WLS: variants seen among roughly 807,000 people sequenced by gnomAD.
WLS encodes the protein Wnt ligand secretion mediator.
WLS carries 23 observed loss-of-function variants against 62.8 expected under a neutral mutation model. The observed-to-expected ratio is 0.37, with a 90% CI of 0.26 to 0.52. The LOEUF (loss-of-function observed/expected upper bound fraction) is 0.52. Among genes scored for constraint, WLS ranks in the 20% least tolerant of loss-of-function variants. The probability of loss-of-function intolerance (pLI) is 0.92; values close to 1 mark genes in which losing one functional copy is unlikely to be tolerated. For synonymous variants in WLS, 246 were observed against 244.1 expected (o/e 1.01, Z -0.07); for missense variants, 615 against 697.3 (o/e 0.88, Z 1.33).
At chr1:68,186,313 G>C (rs184312654) in intron 2 of WLS, among the ~76,000 whole-genome samples, 1 of 152,178 alleles carries the variant, frequency 6.6e-6, no homozygotes, top group East Asian at 1.9e-4. Flanking sequence ...TTAACCCCAA[G>C]TGACTAGAAG....
intron 10 of WLS, among the ~76,000 whole-genome samples, chr1:68,140,741 T>C (rs2100433958): frequency 6.6e-6 from 1 of 152,140 alleles, no homozygotes; most frequent in East Asian, 1.9e-4. Flanking sequence ...AAATAAACGG[T>C]ATAGATAGTG....
At chr1:68,163,030 T>C (rs1647005107) in intron 2 of WLS, 2 of 1,588,048 alleles carry the variant, frequency 1.3e-6, no homozygotes, top group Middle Eastern at 1.7e-4. Flanking sequence ...TGGGGGCGGA[T>C]ACCTTCACAA....
At chr1:68,144,701 T>C (rs1646730967) in intron 9 of WLS, 49 bp from the exon 10 acceptor site, 1 of 1,436,730 alleles carries the variant, frequency 7.0e-7, no homozygotes, top group African/African-American at 1.4e-5. Context: ...TACCAATCCT[T>C]TTCTCACTAT....
chr1:68,126,147 G>A lies in WLS; in HGVS notation c.*79C>T, dbSNP rs1343492362. 3 of 1,568,262 alleles carry A rather than the reference G, an allele frequency of 1.9e-6. No homozygotes were observed. The highest frequency in any genetic ancestry group is 1.7e-6 in the Non-Finnish European group (2 of 1,157,520). ...CATGAGGCATTCATTTGTACATTGA[G>A]CTCTCTCTGGCATGCTCCCCACTCT... On this transcript the variant is annotated 3_prime_UTR_variant, in exon 12 of 12. Coordinates refer to ENST00000262348, the MANE Select transcript of WLS (RefSeq NM_024911.7).
At chr1:68,232,095 A>G in intron 1 of WLS, 99 bp downstream of exon 1, 1 of 1,509,000 alleles carries the variant, frequency 6.6e-7, no homozygotes, top group Non-Finnish European at 9.1e-7. Context: ...AGATCATAGA[A>G]GCAAGGCAGT....
At position 68,232,470 on chromosome 1, in the gene WLS, G is replaced by T; in HGVS notation, c.-171C>A. 1 of 1,336,446 alleles carries T rather than the reference G, an allele frequency of 7.5e-7. No homozygotes were observed. Among genetic ancestry groups the T allele is most frequent in the African/African-American group, 1.5e-5 (1 of 66,406 alleles). 82.8% of individuals were successfully genotyped at this position (1,336,446 alleles called of 1,614,324 possible). ...GACCGGGACGGAAGGCGCCCGCACG[G>T]ATTCCCCCGGCGCAGCCGGCTCGGG... On this transcript the variant is annotated 5_prime_UTR_variant, in exon 1 of 12. Coordinates refer to ENST00000262348, the MANE Select transcript of WLS (RefSeq NM_024911.7).
intron 1 of WLS, among the ~76,000 whole-genome samples, chr1:68,230,583 G>A (rs2100678110): frequency 2.5e-5 from 1 of 40,810 alleles, no homozygotes; most frequent in Non-Finnish European, 1.0e-4. Context: ...GTGTGTGTGT[G>A]CGCGCGTGTG....
At chr1:68,232,138 G>A in intron 1 of WLS, 56 bp downstream of exon 1, 6 of 1,610,382 alleles carry the variant, frequency 3.7e-6, no homozygotes, top group Non-Finnish European at 5.1e-6. Flanking sequence ...GAGGCAAAGA[G>A]GGAAGGGGCC....
At chr1:68,169,861 T>C (rs1647120248) in intron 2 of WLS, among the ~76,000 whole-genome samples, 1 of 152,222 alleles carries the variant, frequency 6.6e-6, no homozygotes, top group Non-Finnish European at 1.5e-5. Context: ...TCTATGAACG[T>C]TCACTACCCC....
At chr1:68,138,235 CT>C (rs902797920) in intron 10 of WLS, 10 of 336,360 alleles carry the variant, frequency 3.0e-5, no homozygotes, top group Non-Finnish European at 5.0e-5. Flanking sequence ...GTTAAACAAA[CT>C]GTGTTTGAGC....
At chr1:68,159,072 A>T in intron 3 of WLS, 51 bp downstream of exon 3, 2 of 1,607,208 alleles carry the variant, frequency 1.2e-6, no homozygotes, top group Non-Finnish European at 1.7e-6. Flanking sequence ...ATCTTTCCAC[A>T]TACCTGAGAA....
intron 1 of WLS, chr1:68,231,776 C>T: frequency 2.1e-6 from 1 of 472,204 alleles, no homozygotes; most frequent in Non-Finnish European, 4.1e-6. Context: ...TTCTGTTGTT[C>T]CTAATAAAGT....
intron 11 of WLS, among the ~76,000 whole-genome samples, chr1:68,111,472 T>C (rs1259230877): frequency 1.3e-5 from 2 of 152,158 alleles, no homozygotes; most frequent in African/African-American, 4.8e-5. Context: ...CGGTTCTCAT[T>C]TGGATTCAAC....
chr1:68,228,973 G>T lies in WLS; in HGVS notation c.106+3221C>A, dbSNP rs1430530408. The stretch of plus-strand genomic sequence containing the variant: ...CTGGCTAAACCAAAGCCAATTCCTG[G>T]AGGCTAGTTGCTTTTATAGTGAATG... On this transcript the variant is annotated intron_variant, in intron 1 of 11. Coordinates refer to ENST00000262348, the MANE Select transcript of WLS (RefSeq NM_024911.7). 4.7e-5 allele frequency among the ~76,000 whole-genome samples: 7 copies of T among 149,816 alleles called. No individual in the cohort carries two copies. In the East Asian group the frequency reaches 1.4e-3, roughly 29 times the overall value.
chr1:68,200,823 C>T (rs1409812556), intron 1 of WLS, among the ~76,000 whole-genome samples: 4 of 152,164 alleles, frequency 2.6e-5, no homozygotes, highest in African/African-American at 9.7e-5. Flanking sequence ...AATATCTCTG[C>T]TTGCCTTATG....
At chr1:68,116,506 C>T (rs953545279) in intron 11 of WLS, among the ~76,000 whole-genome samples, 1 of 152,192 alleles carries the variant, frequency 6.6e-6, no homozygotes, top group African/African-American at 2.4e-5. Context: ...CTGTTACTTC[C>T]TAGCTGTGTG....
At chr1:68,110,291 A>G (rs1646207646) in intron 11 of WLS, among the ~76,000 whole-genome samples, 1 of 152,028 alleles carries the variant, frequency 6.6e-6, no homozygotes, top group Admixed American at 6.6e-5. Context: ...AATCTACACT[A>G]CTTTATGTCT....
intron 2 of WLS, chr1:68,162,857 T>C (rs2820489): frequency 0.18 from 252,649 of 1,423,400 alleles, 24,878 homozygotes; most frequent in East Asian, 0.38. Flanking sequence ...TACATCATGG[T>C]ACCCATGGCT....
intron 11 of WLS, chr1:68,117,302 AAAC>A (rs1460006480): frequency 2.6e-5 from 4 of 152,226 alleles, no homozygotes; most frequent in Non-Finnish European, 5.9e-5. Context: ...ATAATTTTTT[AAAC>A]AACATGTAAT....
Sources: gnomAD v4.1 joint callset for allele counts (sites outside exome capture counted in the v4.1 genomes callset) on GRCh38, gnomAD v4.1.1 for gene constraint, MANE v1.5 for transcripts, NCBI Gene and HGNC (gene_info 2026-07-23, HGNC 2026-07-21) for gene names.